The following PTCD3 variants were observed in gnomAD, a reference collection of about 807,000 sequenced individuals.
PTCD3 encodes the protein pentatricopeptide repeat domain 3.
Under a neutral mutation model 101.9 loss-of-function variants are expected in PTCD3, and 89 were observed. The ratio of observed to expected loss-of-function variants is 0.87; its 90% CI spans 0.74 to 1.04. PTCD3 has a LOEUF of 1.04. Ranked by LOEUF, PTCD3 falls within the 50% of genes least tolerant of loss-of-function variation. The pLI, the probability that PTCD3 is intolerant of heterozygous loss-of-function variation, is 0.00. For synonymous variants in PTCD3, 296 were observed against 278.5 expected (o/e 1.06, Z -0.63); for missense variants, 870 against 828.2 (o/e 1.05, Z -0.62).
chr2:86,133,118 T>C (rs1674522378), intron 17 of PTCD3, 60 bp from the exon 18 acceptor site: 2 of 1,569,698 alleles, frequency 1.3e-6, no homozygotes, highest in South Asian at 1.2e-5. Flanking sequence ...TCAACCCTTA[T>C]TTCCCCTGTT....
In PTCD3 at chr2:86,106,262, T is replaced by C. The variant is rs759112070; in HGVS notation, c.15T>C (p.Ser5=). 9.3e-6 allele frequency: 15 copies of C among 1,613,958 alleles called. No homozygotes were observed. The highest frequency in any genetic ancestry group is 1.3e-5 in the African/African-American group (1 of 74,940). Residue 5 remains serine, a synonymous_variant, in exon 1 of 24, where the codon TCT becomes TCC. Transcript: ENST00000254630. ...AGAAATCAAAGATGGCGGTTGTATC[T>C]GCTGTTCGCTGGCTGGGCCTCCGCA... The part of the protein sequence containing the change: MAVV[S]AVRWLGLRSR...
chr2:86,112,681 C>CA (rs397953846), intron 4 of PTCD3, among the ~76,000 whole-genome samples: 7,372 of 80,826 alleles, frequency 0.091, 396 homozygotes, highest in African/African-American at 0.16. Context: ...GACTCTGTCT[C>CA]AAAAAAAAAA....
At position 86,106,458 on chromosome 2, in the gene PTCD3, C is replaced by CGCCCTTAACGGTCGCGT. The variant is rs1462688345; in HGVS notation, c.104+116_104+132dup. On this transcript the variant is annotated intron_variant, in intron 1 of 23. Transcript: ENST00000254630. ...CACGATGAAATGGTTTGCTCATGCG[C>CGCCCTTAACGGTCGCGT]GCCCTTAACGGTCGCGTGCCCTTAA... 6.0e-6 allele frequency: 7 copies of CGCCCTTAACGGTCGCGT among 1,167,502 alleles called. No individual in the cohort carries two copies. In the African/African-American group the frequency reaches 1.1e-4, roughly 18 times the overall value. The allele number at this position is 1,167,502 out of a possible 1,614,324, so 72.3% of individuals were successfully genotyped here. A position where few individuals can be genotyped will look rare whatever the true frequency, so the allele number is the denominator to read the frequency against.
rs1424420127 is a variant in PTCD3, at chr2:86,139,270, G to A, written c.*1711G>A. On this transcript the variant is annotated 3_prime_UTR_variant, in exon 24 of 24. Transcript: ENST00000254630. ...AACCTCAGCACTTTGGGAGGCAGAG[G>A]TGGGAGGATCACTTAGGTCCAGGAG... The A allele has an allele frequency of 6.6e-6, 1 of 152,240 alleles. No individual in the cohort carries two copies. The highest frequency in any genetic ancestry group is 6.5e-5 in the Admixed American group (1 of 15,274). The allele number at this position is 152,240 out of a possible 1,614,324, so 9.4% of individuals were successfully genotyped here.
intron 4 of PTCD3, among the ~76,000 whole-genome samples, chr2:86,115,119 TAGC>T (rs1051369026): frequency 3.9e-5 from 6 of 152,196 alleles, no homozygotes; most frequent in African/African-American, 1.2e-4. Context: ...GAACCATTCT[TAGC>T]AGTTCTAGGA....
intron 6 of PTCD3, among the ~76,000 whole-genome samples, chr2:86,117,748 A>G (rs2104451650): frequency 6.6e-6 from 1 of 151,814 alleles, no homozygotes; most frequent in Middle Eastern, 3.4e-3. Context: ...GGTGTAAGCC[A>G]CTGCTGCTTG....
intron 4 of PTCD3, among the ~76,000 whole-genome samples, chr2:86,112,355 CT>C (rs368645963): frequency 0.01 from 1,416 of 138,786 alleles, 12 homozygotes; most frequent in African/African-American, 0.031. Flanking sequence ...AGTGCCCGGC[CT>C]TTTTTTTTTT....
In PTCD3 at chr2:86,139,931, C is replaced by T. The variant is rs1487311984; in HGVS notation, c.*2372C>T. 6.6e-6 allele frequency: 1 copy of T among 152,122 alleles called. No individual in the cohort carries two copies. The highest frequency in any genetic ancestry group is 2.4e-5 in the African/African-American group (1 of 41,426). 9.4% of individuals were successfully genotyped at this position (152,122 alleles called of 1,614,324 possible). On this transcript the variant is annotated 3_prime_UTR_variant, in exon 24 of 24. Coordinates refer to ENST00000254630, the MANE Select transcript of PTCD3 (RefSeq NM_017952.6). ...ATTACCAATGTGTAGAAGTCAGAAA[C>T]TAGACTTCTAGTTTGGTTCAACATT...
rs1407115431 is a variant in PTCD3 at position 86,141,000 on chromosome 2, C to T, written c.*3441C>T. 1 of 151,782 alleles carries T rather than the reference C, an allele frequency of 6.6e-6. No individual in the cohort carries two copies. Among genetic ancestry groups the T allele is most frequent in the East Asian group, 1.9e-4 (1 of 5,186 alleles). 9.4% of individuals were successfully genotyped at this position (151,782 alleles called of 1,614,324 possible). A position where few individuals can be genotyped will look rare whatever the true frequency, so the allele number is the denominator to read the frequency against. The stretch of plus-strand genomic sequence containing the variant: ...AAGCCCAAGGATGTTTTTCAGAGCT[C>T]TGTGATTTAAGATGCTCGAAAAGAG... On this transcript the variant is annotated 3_prime_UTR_variant, in exon 24 of 24. Transcript: ENST00000254630.
chr2:86,107,188 C>T lies in PTCD3; in HGVS notation c.104+837C>T, dbSNP rs117418547. 111 of 471,230 alleles carry T rather than the reference C, an allele frequency of 2.4e-4. 2 individuals are homozygous for T. The East Asian group carries it at 7.3e-3, about 31-fold the overall frequency. The allele number at this position is 471,230 out of a possible 1,614,324, so 29.2% of individuals were successfully genotyped here. ...CTTTGTGCTGCCATTCAATGCCAGT[C>T]CTCCGTTTCCTGGTAGCCATCGTTA... On this transcript the variant is annotated intron_variant, in intron 1 of 23. Coordinates refer to ENST00000254630, the MANE Select transcript of PTCD3 (RefSeq NM_017952.6).
intron 16 of PTCD3, among the ~76,000 whole-genome samples, chr2:86,131,873 A>G (rs1382691461): frequency 6.6e-6 from 1 of 152,236 alleles, no homozygotes; most frequent in Non-Finnish European, 1.5e-5. Flanking sequence ...CCTAGTATTT[A>G]GTATGGATCC....
Position 86,138,349 on chromosome 2 carries a change from T to G in PTCD3, c.*790T>G, listed in dbSNP as rs916877244. 12 of 152,186 alleles carry G rather than the reference T, an allele frequency of 7.9e-5. No individual in the cohort carries two copies. Among genetic ancestry groups the G allele is most frequent in the African/African-American group, 2.7e-4 (11 of 41,446 alleles). 9.4% of individuals were successfully genotyped at this position (152,186 alleles called of 1,614,324 possible). A position where few individuals can be genotyped will look rare whatever the true frequency, so the allele number is the denominator to read the frequency against. ...GTTGGTAACGACTACTTCTAGCAGC[T>G]CTTACCACTATGACTTAAGTGGTCC... On this transcript the variant is annotated 3_prime_UTR_variant, in exon 24 of 24. Coordinates refer to ENST00000254630, the MANE Select transcript of PTCD3 (RefSeq NM_017952.6).
chr2:86,137,451 ATTTTC>A lies in PTCD3; in HGVS notation c.1980-10_1980-6del, dbSNP rs760920548. On this transcript the variant is annotated splice_polypyrimidine_tract_variant and intron_variant, in intron 23 of 23. Coordinates refer to ENST00000254630, the MANE Select transcript of PTCD3 (RefSeq NM_017952.6). The stretch of plus-strand genomic sequence containing the variant: ...CAGTTGAATTGCAGTGTAATCCTCC[ATTTTC>A]TTTTCTTAACAGGGAAGCCCTAAGT... 2 of 1,613,442 alleles carry A rather than the reference ATTTTC, an allele frequency of 1.2e-6. No individual in the cohort carries two copies. Among genetic ancestry groups the A allele is most frequent in the Non-Finnish European group, 1.7e-6 (2 of 1,179,816 alleles).
At chr2:86,118,397 G>T (rs1674216321) in intron 6 of PTCD3, among the ~76,000 whole-genome samples, 1 of 152,162 alleles carries the variant, frequency 6.6e-6, no homozygotes. Context: ...TATCTAAACT[G>T]CTCCCATATC....
Position 86,134,291 on chromosome 2 carries a change from G to T in PTCD3, c.1544-1G>T, listed in dbSNP as rs537213910. 2 of 1,602,834 alleles carry T rather than the reference G, an allele frequency of 1.2e-6. No homozygotes were observed. Among genetic ancestry groups the T allele is most frequent in the African/African-American group, 2.7e-5 (2 of 74,784 alleles). On this transcript the variant is annotated splice_acceptor_variant, in intron 19 of 23. Transcript: ENST00000254630. LOFTEE classifies it high-confidence loss of function. ...ACTCCTTGTTCCTTTCTTGTTTCAA[G>T]ATAGTAAAGAATATGGTCATACTTT...
chr2:86,113,730 G>GGGAGGT (rs1293128568), intron 4 of PTCD3, among the ~76,000 whole-genome samples: 7 of 152,060 alleles, frequency 4.6e-5, no homozygotes, highest in Non-Finnish European at 5.9e-5. Flanking sequence ...ACTTGATCCT[G>GGGAGGT]GGAGGTGGAG....
Position 86,133,190 on chromosome 2 carries a change from C to T in PTCD3, c.1386C>T (p.Phe462=), listed in dbSNP as rs754590876. Residue 462 remains phenylalanine (F), a synonymous_variant, in exon 18 of 24, where the codon TTC becomes TTT. Transcript: ENST00000254630. ...GCCTTCATCACAGTTCCAAGTTCTT[C>T]GATTTGATTTGTCTAATGGAACAAA... ...QHRNFYYSKF[F]DLICLMEQID... The T allele has an allele frequency of 5.6e-6, 9 of 1,613,608 alleles. No homozygotes were observed. Among genetic ancestry groups the T allele is most frequent in the East Asian group, 2.2e-5 (1 of 44,872 alleles).
chr2:86,133,527 AAACTT>A, intron 19 of PTCD3, 91 bp downstream of exon 19: 1 of 1,262,992 alleles, frequency 7.9e-7, no homozygotes. Flanking sequence ...TTAGGGATGA[AAACTT>A]CCATTTTGAC....
chr2:86,121,745 A>C (rs1301471493), intron 8 of PTCD3, 151 bp downstream of exon 8: 1 of 524,066 alleles, frequency 1.9e-6, no homozygotes, highest in African/African-American at 2.0e-5. Flanking sequence ...AAAAAGTGGT[A>C]TAGGAGGAAG....
Sources: allele counts gnomAD v4.1 joint callset (sites outside exome capture counted in the v4.1 genomes callset), GRCh38; gene constraint gnomAD v4.1.1; transcripts MANE v1.5; gene names NCBI Gene and HGNC (gene_info 2026-07-23, HGNC 2026-07-21).